Variants in ARNT2 observed in about 807,000 individuals in gnomAD.
ARNT2 encodes aryl hydrocarbon receptor nuclear translocator 2.
A neutral mutation model predicts 91.7 loss-of-function variants in ARNT2; 36 were observed. That is an observed-to-expected ratio of 0.39 (90% CI 0.30 to 0.52). The LOEUF is 0.52. Among genes scored for constraint, ARNT2 ranks in the 20% least tolerant of loss-of-function variants. ARNT2 has a pLI of 0.72. For synonymous variants in ARNT2, 365 were observed against 347.1 expected (o/e 1.05, Z -0.57); for missense variants, 775 against 939.3 (o/e 0.83, Z 2.29).
At chr15:80,558,592 G>C (rs565034492) in intron 11 of ARNT2, among the ~76,000 whole-genome samples, 1 of 151,856 alleles carries the variant, frequency 6.6e-6, no homozygotes, top group African/African-American at 2.4e-5. Flanking sequence ...CGCCTGCCTC[G>C]GCCTCCCAAA....
chr15:80,415,997 C>A (rs1466856546), intron 1 of ARNT2, among the ~76,000 whole-genome samples: 2 of 152,152 alleles, frequency 1.3e-5, no homozygotes, highest in African/African-American at 4.8e-5. Context: ...CCCCTGCCCA[C>A]TCTCCACTGC....
intron 4 of ARNT2, among the ~76,000 whole-genome samples, chr15:80,474,667 A>G (rs1350116661): frequency 2.0e-5 from 3 of 152,050 alleles, no homozygotes; most frequent in Admixed American, 1.3e-4. Flanking sequence ...ACATGACTAC[A>G]GTTTCAATAT....
At chr15:80,497,986 C>A (rs1323940037) in intron 5 of ARNT2, among the ~76,000 whole-genome samples, 1 of 152,178 alleles carries the variant, frequency 6.6e-6, no homozygotes, top group African/African-American at 2.4e-5. Context: ...CATGTGGCTC[C>A]AACTGTGTTC....
rs1896780020 is a variant in ARNT2, at chr15:80,475,014, T to C, written c.413T>C (p.Leu138Pro). 6.2e-7 allele frequency: 1 copy of C among 1,613,992 alleles called. No homozygotes were observed. Among genetic ancestry groups the C allele is most frequent in the African/African-American group, 1.3e-5 (1 of 74,924 alleles). Residue 138 changes from leucine (L) to proline (P), a missense_variant, in exon 5 of 19, where the codon CTG becomes CCG. By Grantham distance (98) the Leu-to-Pro change is moderately conservative. Coordinates refer to ENST00000303329, the MANE Select transcript of ARNT2 (RefSeq NM_014862.4). ...ATCATAATCTTTTCTTTATAGGAAC[T>C]GAAGCATCTCATCCTTGAAGCAGCT... is the stretch of plus-strand genomic sequence containing the variant. The part of the protein sequence containing the change: ...YKPSFLTEQE[L>P]KHLILEAADG...
chr15:80,421,605 G>GA (rs750206923), intron 1 of ARNT2, among the ~76,000 whole-genome samples: 1 of 152,202 alleles, frequency 6.6e-6, no homozygotes, highest in Non-Finnish European at 1.5e-5. Context: ...TGAATTGTCT[G>GA]ATGGTAGCTG....
At chr15:80,412,742 T>C (rs1459893848) in intron 1 of ARNT2, among the ~76,000 whole-genome samples, 1 of 152,242 alleles carries the variant, frequency 6.6e-6, no homozygotes, top group East Asian at 1.9e-4. Context: ...CATCCCCGTA[T>C]ATGAATGAAT....
chr15:80,462,692 T>G (rs968389347), intron 3 of ARNT2, among the ~76,000 whole-genome samples: 1 of 152,188 alleles, frequency 6.6e-6, no homozygotes, highest in Non-Finnish European at 1.5e-5. Flanking sequence ...CTTTAACCTT[T>G]TTAGAAATGG....
chr15:80,493,093 A>C (rs958482892), intron 5 of ARNT2, among the ~76,000 whole-genome samples: 14 of 152,202 alleles, frequency 9.2e-5, no homozygotes, highest in African/African-American at 3.1e-4. Context: ...GTGTCATCCC[A>C]TGGTGGAAGG....
At chr15:80,511,642 A>G (rs757777021) in intron 6 of ARNT2, among the ~76,000 whole-genome samples, 11 of 152,198 alleles carry the variant, frequency 7.2e-5, no homozygotes, top group Non-Finnish European at 1.5e-4. Flanking sequence ...ATTGACATCA[A>G]TAAAATGGTA....
chr15:80,470,547 G>A (rs1896719093), intron 4 of ARNT2, 116 bp downstream of exon 4: 1 of 1,180,504 alleles, frequency 8.5e-7, no homozygotes. Flanking sequence ...AAGCCAACAT[G>A]TTTTGTTTCC....
intron 8 of ARNT2, among the ~76,000 whole-genome samples, chr15:80,520,557 A>G (rs57463286): frequency 0.39 from 42,320 of 107,616 alleles, 5,187 homozygotes; most frequent in Non-Finnish European, 0.43. Flanking sequence ...TGTTCTTACC[A>G]CAAAAAAAAA....
intron 8 of ARNT2, among the ~76,000 whole-genome samples, chr15:80,527,899 G>GAAA (rs746598243): frequency 6.8e-4 from 103 of 152,222 alleles, no homozygotes; most frequent in Middle Eastern, 6.8e-3. Flanking sequence ...TTGGGGAGGG[G>GAAA]GCCTTGTGTG....
At chr15:80,578,683 G>A (rs1327141123) in intron 15 of ARNT2, among the ~76,000 whole-genome samples, 2 of 151,958 alleles carry the variant, frequency 1.3e-5, no homozygotes, top group Non-Finnish European at 2.9e-5. Flanking sequence ...GCAGGTTTGG[G>A]GCAGCTGGCA....
At chr15:80,455,136 G>A (rs1034779065) in intron 2 of ARNT2, among the ~76,000 whole-genome samples, 2 of 152,154 alleles carry the variant, frequency 1.3e-5, no homozygotes, top group African/African-American at 4.8e-5. Flanking sequence ...GAGAATCCAA[G>A]ATGGTGATAG....
chr15:80,511,927 C>A (rs1897348417), intron 6 of ARNT2, among the ~76,000 whole-genome samples: 1 of 152,266 alleles, frequency 6.6e-6, no homozygotes, highest in South Asian at 2.1e-4. Context: ...ATGTCCATCA[C>A]TGGACCTCAG....
chr15:80,543,090 C>T (rs1373300270), intron 8 of ARNT2, among the ~76,000 whole-genome samples: 5 of 106,454 alleles, frequency 4.7e-5, no homozygotes, highest in African/African-American at 1.6e-4. Context: ...GAGCCAGACC[C>T]GGTCAAAAAA....
At chr15:80,543,842 G>A (rs142317920) in intron 8 of ARNT2, among the ~76,000 whole-genome samples, 4,247 of 152,230 alleles carry the variant, frequency 0.028, 83 homozygotes, top group Non-Finnish European at 0.04. Flanking sequence ...CCACGTTCAA[G>A]TGATTCTCCT....
At chr15:80,503,852 G>A (rs1161850080) in intron 5 of ARNT2, among the ~76,000 whole-genome samples, 1 of 152,246 alleles carries the variant, frequency 6.6e-6, no homozygotes, top group African/African-American at 2.4e-5. Context: ...CCAGTAGTCA[G>A]CATGGTGGTG....
At chr15:80,493,404 A>G (rs1300681555) in intron 5 of ARNT2, among the ~76,000 whole-genome samples, 1 of 152,136 alleles carries the variant, frequency 6.6e-6, no homozygotes, top group Non-Finnish European at 1.5e-5. Flanking sequence ...GTGTACAGCT[A>G]TCTGGGAGCT....
Sources: gnomAD v4.1 joint callset for allele counts (sites outside exome capture counted in the v4.1 genomes callset) on GRCh38, gnomAD v4.1.1 for gene constraint, MANE v1.5 for transcripts, NCBI Gene and HGNC (gene_info 2026-07-23, HGNC 2026-07-21) for gene names.